FAT1: variants seen among roughly 807,000 people sequenced by gnomAD.
FAT1 encodes the protein FAT atypical cadherin 1.
Under a neutral mutation model 329.8 loss-of-function variants are expected in FAT1, and 171 were observed. The observed-to-expected ratio is 0.52, with a 90% CI of 0.46 to 0.59. The LOEUF (loss-of-function observed/expected upper bound fraction) is 0.59, where lower values mean the gene tolerates loss of function less well. Among genes scored for constraint, FAT1 ranks in the 20% least tolerant of loss-of-function variants. The pLI is 0.00. For missense variants in FAT1, 5,672 were observed against 5,774.4 expected (o/e 0.98, Z 0.57); for synonymous variants, 2,233 against 2,228.6 (o/e 1.00, Z -0.06).
At chr4:186,704,717 T>A (rs75133188) in intron 2 of FAT1, among the ~76,000 whole-genome samples, 223 of 152,312 alleles carry the variant, frequency 1.5e-3, no homozygotes, top group African/African-American at 5.2e-3. Context: ...TAACTTATAC[T>A]GGACAGATAA....
intron 4 of FAT1, 105 bp downstream of exon 4, chr4:186,639,617 A>G: frequency 1.3e-6 from 1 of 755,530 alleles, no homozygotes; most frequent in Admixed American, 2.7e-5. Context: ...TAATACAACA[A>G]AATATTAATA....
At position 186,636,767 on chromosome 4, in the gene FAT1, T is replaced by G; in HGVS notation, c.3790A>C (p.Arg1264=). The G allele has an allele frequency of 6.2e-7, 1 of 1,614,006 alleles. No homozygotes were observed. The highest frequency in any genetic ancestry group is 8.5e-7 in the Non-Finnish European group (1 of 1,179,882). The change falls in exon 5 of 27, where the codon AGA becomes CGA. Residue 1264 remains arginine, a synonymous_variant. Transcript: ENST00000441802. ...LPEREKPDRE[R]NARREPLYHV... is the part of the protein sequence containing the mutation. ...TAGAGCGGCTCCCGTCTGGCATTTC[T>G]TTCTCGGTCTGGCTTTTCCCGCTCA...
Position 186,597,064 on chromosome 4 carries a change from C to A in FAT1, c.12476G>T (p.Gly4159Val), listed in dbSNP as rs1738563922. ...YHCNCSHEYR[G>V]RHCEDAAPNQ... ...GGGCGCAGCATCCTCGCAGTGACGT[C>A]CCCTGTACTCGTGGCTGCAGTTGCA... The change falls in exon 25 of 27, where the codon GGA becomes GTA. Residue 4159 changes from glycine (G) to valine (V), a missense_variant. Gly to Val is a moderately radical substitution (Grantham distance 109). This residue lies in a region of FAT1 where 1,706 missense variants were observed against 1,859.1 expected (regional missense o/e 0.92). Coordinates refer to ENST00000441802, the MANE Select transcript of FAT1 (RefSeq NM_005245.4). 1 of 1,614,030 alleles carries A rather than the reference C, an allele frequency of 6.2e-7. No homozygotes were observed. The highest frequency in any genetic ancestry group is 1.6e-4 in the Middle Eastern group (1 of 6,062).
rs1315498369 is a variant in FAT1 at position 186,589,140 on chromosome 4, C to A, written c.13219G>T (p.Asp4407Tyr). The A allele has an allele frequency of 6.2e-7, 1 of 1,613,776 alleles. No homozygotes were observed. Among genetic ancestry groups the A allele is most frequent in the African/African-American group, 1.3e-5 (1 of 74,876 alleles). The stretch of plus-strand genomic sequence containing the variant: ...GCTGAGTACAGGGGTGTCTGCTCAT[C>A]AATCACCTCATAGTTGGGGAACTCT... The part of the protein sequence containing the change: ...IQEFPNYEVI[D>Y]EQTPLYSADP... Residue 4407 changes from aspartate (D) to tyrosine (Y), a missense_variant, in exon 27 of 27, where the codon GAT (aspartate) becomes TAT (tyrosine). Physicochemically the swap from Asp to Tyr is radical, Grantham distance 160. Coordinates refer to ENST00000441802, the MANE Select transcript of FAT1 (RefSeq NM_005245.4).
At chr4:186,614,536 C>T (rs1028391452) in intron 11 of FAT1, among the ~76,000 whole-genome samples, 192 bp from the exon 12 acceptor site, 2 of 152,140 alleles carry the variant, frequency 1.3e-5, no homozygotes, top group African/African-American at 2.4e-5. Context: ...AAGGAGGAGC[C>T]GTGGAGCAGC....
chr4:186,617,914 T>A lies in FAT1; in HGVS notation c.8672A>T (p.Asp2891Val), dbSNP rs773424839. 6.2e-7 allele frequency: 1 copy of A among 1,614,066 alleles called. No homozygotes were observed. The highest frequency in any genetic ancestry group is 8.5e-7 in the Non-Finnish European group (1 of 1,179,904). ...GGATAGCTGGATCTTTTCACCATGA[T>A]CTGATGCAACCACTTTAATCTGGTA... is the stretch of plus-strand genomic sequence containing the variant. The part of the protein sequence containing the change: ...DNYQIKVVAS[D>V]HGEKIQLSST... The change falls in exon 10 of 27, where the codon GAT (aspartate) becomes GTT (valine). Residue 2891 changes from aspartate to valine, a missense_variant. Physicochemically the swap from Asp to Val is radical, Grantham distance 152. Coordinates refer to ENST00000441802, the MANE Select transcript of FAT1 (RefSeq NM_005245.4).
chr4:186,653,764 G>A (rs189283533), intron 3 of FAT1, among the ~76,000 whole-genome samples: 14 of 152,226 alleles, frequency 9.2e-5, no homozygotes, highest in East Asian at 5.8e-4. Context: ...ACTCATTTCC[G>A]TATCATCTAC....
intron 12 of FAT1, 99 bp downstream of exon 12, chr4:186,614,092 G>A: frequency 9.2e-7 from 1 of 1,087,158 alleles, no homozygotes; most frequent in Non-Finnish European, 1.3e-6. Context: ...TTTGAAAAGG[G>A]CAAAATGTAA....
upstream of FAT1, among the ~76,000 whole-genome samples, chr4:186,725,183 C>T (rs1745675942): frequency 6.6e-6 from 1 of 152,028 alleles, no homozygotes; most frequent in Non-Finnish European, 1.5e-5. This position sits in a 1 kb window ranked among gnomAD's most constrained non-coding sequence, Gnocchi z 5.4. Flanking sequence ...CAAGTGCTTA[C>T]AGGTCAATTT....
At chr4:186,649,181 C>A (rs1741513781) in intron 3 of FAT1, among the ~76,000 whole-genome samples, 2 of 151,582 alleles carry the variant, frequency 1.3e-5, no homozygotes, top group South Asian at 4.2e-4. Context: ...CTTATTAAGT[C>A]CTAAAACATC....
intron 2 of FAT1, among the ~76,000 whole-genome samples, chr4:186,681,497 G>T (rs1743203728): frequency 6.6e-6 from 1 of 152,160 alleles, no homozygotes; most frequent in African/African-American, 2.4e-5. Context: ...TGGAAGCGGT[G>T]TTCGGAAGAG....
At chr4:186,643,486 C>A (rs905296283) in intron 3 of FAT1, among the ~76,000 whole-genome samples, 23 of 152,230 alleles carry the variant, frequency 1.5e-4, no homozygotes, top group Admixed American at 1.4e-3. Flanking sequence ...GCATGAGTGT[C>A]CTATGGGGGT....
intron 25 of FAT1, 53 bp from the exon 26 acceptor site, chr4:186,595,879 A>G (rs763202788): frequency 7.5e-5 from 120 of 1,598,342 alleles, no homozygotes; most frequent in Non-Finnish European, 8.3e-5. Context: ...GGTTTTGTTC[A>G]CCGCTGAATC....
rs1278892463 is a variant in FAT1 at position 186,598,036 on chromosome 4, C to T, written c.12193G>A (p.Gly4065Ser). 26 of 1,613,872 alleles carry T rather than the reference C, an allele frequency of 1.6e-5. No individual in the cohort carries two copies. Among genetic ancestry groups the T allele is most frequent in the Non-Finnish European group, 2.0e-5 (24 of 1,179,840 alleles). Residue 4065 changes from glycine to serine, a missense_variant, in exon 23 of 27, where the codon GGC becomes AGC. By Grantham distance (56) the Gly-to-Ser change is moderately conservative (BLOSUM62 0). Transcript: ENST00000441802. Reference protein sequence around the residue: ...PCSSKPCLYGGTCVVDNGGFV... With the variant: ...PCSSKPCLYGSTCVVDNGGFV... ...CCTCCGTTGTCGACAACACACGTGC[C>T]CCCATAGAGGCATGGCTTGGAGGAA...
At chr4:186,665,395 TG>T (rs1243854732) in intron 2 of FAT1, among the ~76,000 whole-genome samples, 1 of 152,152 alleles carries the variant, frequency 6.6e-6, no homozygotes, top group African/African-American at 2.4e-5. Flanking sequence ...TTCTAACTGG[TG>T]TGAGATGGTA....
chr4:186,662,912 C>T (rs987515419), intron 3 of FAT1, among the ~76,000 whole-genome samples: 8 of 152,160 alleles, frequency 5.3e-5, no homozygotes, highest in Non-Finnish European at 1.2e-4. Context: ...TCTCGGCTCA[C>T]TGCAAGCTCC....
At chr4:186,590,289 G>A (rs930339973) in intron 26 of FAT1, 9 of 877,572 alleles carry the variant, frequency 1.0e-5, no homozygotes, top group Admixed American at 4.7e-5. Context: ...GCGACCCAGC[G>A]TAGTCAGTCA....
At chr4:186,606,447 A>T (rs1418925269) in intron 16 of FAT1, among the ~76,000 whole-genome samples, 1 of 152,162 alleles carries the variant, frequency 6.6e-6, no homozygotes, top group African/African-American at 2.4e-5. Flanking sequence ...CCTCTTAAAT[A>T]TGTACTTGTT....
rs745843872 is a variant in FAT1, at chr4:186,620,439, C to T, written c.6147G>A (p.Val2049=). The change falls in exon 10 of 27, where the codon GTG becomes GTA. Residue 2049 remains valine (V), a synonymous_variant. Transcript: ENST00000441802. ...FDREQQEAFD[V]VVEVTEEHKP... ...TATGTTCCTCTGTCACTTCTACAAC[C>T]ACATCAAACGCCTCCTGCTGCTCAC... 12 of 1,613,902 alleles carry T rather than the reference C, an allele frequency of 7.4e-6. No individual in the cohort carries two copies. In the Admixed American group the frequency reaches 1.8e-4, roughly 25 times the overall value.
Sources: gnomAD v4.1 joint callset for allele counts (sites outside exome capture counted in the v4.1 genomes callset) on GRCh38, gnomAD v4.1.1 for gene constraint, gnomAD v4.1.1 regional missense constraint, Gnocchi (gnomAD v3.1) non-coding constraint, MANE v1.5 for transcripts, NCBI Gene and HGNC (gene_info 2026-07-23, HGNC 2026-07-21) for gene names.